Variants in RFX1 observed in about 807,000 individuals in gnomAD.
The protein encoded by RFX1 is regulatory factor X1.
Under a neutral mutation model 119.6 loss-of-function variants are expected in RFX1, and 42 were observed. That is an observed-to-expected ratio of 0.35 (90% CI 0.27 to 0.45). The LOEUF is 0.45. Among genes scored for constraint, RFX1 ranks in the 20% least tolerant of loss-of-function variants. RFX1 has a pLI of 1.00. For missense variants in RFX1, 1,118 were observed against 1,368.1 expected (o/e 0.82, Z 2.88); for synonymous variants, 628 against 618.5 (o/e 1.02, Z -0.23).
chr19:13,994,504 T>G (rs917274708), intron 1 of RFX1, among the ~76,000 whole-genome samples: 22 of 152,042 alleles, frequency 1.4e-4, no homozygotes, highest in African/African-American at 5.1e-4. Flanking sequence ...TCACTTGAGG[T>G]CAGGAGTTCG....
Position 13,982,155 on chromosome 19 carries a change from A to G in RFX1, c.587T>C (p.Val196Ala), listed in dbSNP as rs1974448734. ...CGAGTGCACCTGCTGGGTACCATGG[A>G]CCGTCAGGGAGACCTGGCCACCTTT... ...GSKGGQVSLT[V>A]HGTQQVHSPP... Residue 196 changes from valine (V) to alanine (A), a missense_variant, in exon 5 of 21, where the codon GTC becomes GCC. Physicochemically the swap from Val to Ala is moderately conservative, Grantham distance 64 (BLOSUM62 0). Transcript: ENST00000254325. 7.6e-7 allele frequency: 1 copy of G among 1,311,482 alleles called. No individual in the cohort carries two copies. The highest frequency in any genetic ancestry group is 9.8e-7 in the Non-Finnish European group (1 of 1,021,540). 81.2% of individuals were successfully genotyped at this position (1,311,482 alleles called of 1,614,324 possible).
In RFX1 at chr19:13,987,226, G is replaced by A. The variant is rs55754705; in HGVS notation, c.320-3631C>T. Among the ~76,000 whole-genome samples, 1,499 of 152,156 alleles carry A rather than the reference G, an allele frequency of 9.9e-3. 22 individuals carry two copies. The highest frequency in any genetic ancestry group is 0.029 in the African/African-American group (1,183 of 41,504). ...CCAGAGCCCACAGCACTCTCCTTCC[G>A]CCTTGGGTTCTGGGAGAGTCTGATG... is the stretch of plus-strand genomic sequence containing the variant. On this transcript the variant is annotated intron_variant, in intron 2 of 20. Coordinates refer to ENST00000254325, the MANE Select transcript of RFX1 (RefSeq NM_002918.5).
intron 7 of RFX1, among the ~76,000 whole-genome samples, chr19:13,978,378 C>T (rs1289328384): frequency 1.3e-5 from 2 of 152,090 alleles, no homozygotes; most frequent in African/African-American, 4.8e-5. Flanking sequence ...AAGGTTGGAC[C>T]CCAGGCACAG....
chr19:13,966,541 G>A lies in RFX1; in HGVS notation c.1852-11C>T, dbSNP rs1234379588. 2 of 1,555,054 alleles carry A rather than the reference G, an allele frequency of 1.3e-6. No individual in the cohort carries two copies. The highest frequency in any genetic ancestry group is 1.7e-6 in the Non-Finnish European group (2 of 1,143,318). ...GACGTCGACAATGGCCTGTGGCAGA[G>A]GCGGATGCTCAGGGAGGCTGGGGGG... On this transcript the variant is annotated splice_polypyrimidine_tract_variant and intron_variant, in intron 13 of 20. Coordinates refer to ENST00000254325, the MANE Select transcript of RFX1 (RefSeq NM_002918.5). This position sits in a 1 kb window ranked among gnomAD's most constrained non-coding sequence, Gnocchi z 6.3.
In RFX1 at chr19:13,982,187, T is replaced by C. The variant is rs61735283; in HGVS notation, c.555A>G (p.Pro185=). 2,429 of 1,312,242 alleles carry C rather than the reference T, an allele frequency of 1.9e-3. 38 individuals are homozygous for C. In the African/African-American group the frequency reaches 0.033, roughly 18 times the overall value. The allele number at this position is 1,312,242 out of a possible 1,614,324, so 81.3% of individuals were successfully genotyped here. A position where few individuals can be genotyped will look rare whatever the true frequency, so the allele number is the denominator to read the frequency against. ...GGGAGACCTGGCCACCTTTGCTGCC[T>C]GGGGCTGCGCTCTGCACCACCAGAC... ...TQRLVVQSAA[P]GSKGGQVSLT... is the part of the protein sequence containing the mutation. The change falls in exon 5 of 21, where the codon CCA becomes CCG. Residue 185 remains proline (P), a synonymous_variant. Coordinates refer to ENST00000254325, the MANE Select transcript of RFX1 (RefSeq NM_002918.5).
intron 1 of RFX1, among the ~76,000 whole-genome samples, chr19:13,994,717 A>ATGTGTG (rs1363917481): frequency 3.5e-4 from 38 of 108,386 alleles, no homozygotes; most frequent in African/African-American, 1.2e-3. Context: ...GTCTAAATAT[A>ATGTGTG]TATGTGTGTG....
rs757988510 is a variant in RFX1, at chr19:13,993,672, G to T, written c.172C>A (p.Leu58Met). The T allele has an allele frequency of 1.3e-6, 2 of 1,593,890 alleles. No homozygotes were observed. The highest frequency in any genetic ancestry group is 1.7e-6 in the Non-Finnish European group (2 of 1,169,562). The part of the protein sequence containing the change: ...ATPQPQYVTE[L>M]QSPQPQAQPP... ...TGTGCCTGGGGCTGGGGGCTCTGCA[G>T]CTCGGTGACATATTGGGGCTGAGGG... is the stretch of plus-strand genomic sequence containing the variant. Residue 58 changes from leucine to methionine, a missense_variant, in exon 2 of 21, where the codon CTG becomes ATG. By Grantham distance (15) the Leu-to-Met change is conservative. Transcript: ENST00000254325.
At position 13,980,497 on chromosome 19, in the gene RFX1, G is replaced by T; in HGVS notation, c.738+76C>A. 1.1e-6 allele frequency: 1 copy of T among 923,088 alleles called. No individual in the cohort carries two copies. The highest frequency in any genetic ancestry group is 1.5e-5 in the South Asian group (1 of 64,548). 57.2% of individuals were successfully genotyped at this position (923,088 alleles called of 1,614,324 possible). A position where few individuals can be genotyped will look rare whatever the true frequency, so the allele number is the denominator to read the frequency against. The stretch of plus-strand genomic sequence containing the variant: ...TGGGCTGGGCTCTAATAGGCCAGAG[G>T]CACAGCCGTGGGGGGCTGCAGAGGC... On this transcript the variant is annotated intron_variant, in intron 6 of 20. Coordinates refer to ENST00000254325, the MANE Select transcript of RFX1 (RefSeq NM_002918.5). This position sits in a 1 kb window ranked among gnomAD's most constrained non-coding sequence, Gnocchi z 5.1.
chr19:13,991,819 G>A (rs766477944), intron 2 of RFX1, among the ~76,000 whole-genome samples: 4 of 151,928 alleles, frequency 2.6e-5, no homozygotes, highest in Non-Finnish European at 5.9e-5. Context: ...GCGCCACCAC[G>A]CCCAGCTAAT....
intron 8 of RFX1, among the ~76,000 whole-genome samples, chr19:13,973,455 T>C (rs1195606764): frequency 6.6e-6 from 1 of 151,808 alleles, no homozygotes; most frequent in Non-Finnish European, 1.5e-5. Flanking sequence ...CTACAAAAAA[T>C]ATGAAGATTA....
At chr19:14,000,020 A>AT (rs1975163805) in intron 1 of RFX1, among the ~76,000 whole-genome samples, 1 of 152,176 alleles carries the variant, frequency 6.6e-6, no homozygotes, top group Admixed American at 6.6e-5. Flanking sequence ...AATGGTTTAC[A>AT]TCCTCAGCAA....
intron 12 of RFX1, among the ~76,000 whole-genome samples, chr19:13,967,409 C>G (rs1272899552): frequency 6.6e-6 from 1 of 151,848 alleles, no homozygotes; most frequent in African/African-American, 2.4e-5. Flanking sequence ...CTCCTGGACT[C>G]AAGCAATTCC....
intron 3 of RFX1, 61 bp downstream of exon 3, chr19:13,983,425 C>G: frequency 7.3e-7 from 1 of 1,363,944 alleles, no homozygotes; most frequent in Non-Finnish European, 1.0e-6. Flanking sequence ...CCCCCGAGGA[C>G]GCAGCCTGCA....
At chr19:13,984,445 G>A (rs1479230927) in intron 2 of RFX1, among the ~76,000 whole-genome samples, 1 of 152,188 alleles carries the variant, frequency 6.6e-6, no homozygotes, top group East Asian at 1.9e-4. Context: ...AGCGCTGCGG[G>A]GTGAGGAGGG....
intron 1 of RFX1, among the ~76,000 whole-genome samples, chr19:13,994,885 TATAC>T (rs1233481823): frequency 2.0e-4 from 19 of 94,920 alleles, no homozygotes; most frequent in African/African-American, 2.0e-4. Flanking sequence ...TATATTGAAA[TATAC>T]ATACATATAT....
rs1421928872 is a variant in RFX1, at chr19:13,961,974, C to G, written c.*721G>C. 1 of 152,132 alleles carries G rather than the reference C, an allele frequency of 6.6e-6. No homozygotes were observed. Among genetic ancestry groups the G allele is most frequent in the Non-Finnish European group, 1.5e-5 (1 of 68,074 alleles). The allele number at this position is 152,132 out of a possible 1,614,324, so 9.4% of individuals were successfully genotyped here. On this transcript the variant is annotated 3_prime_UTR_variant, in exon 21 of 21. Coordinates refer to ENST00000254325, the MANE Select transcript of RFX1 (RefSeq NM_002918.5). ...AAAAGGTTCCATTACAAACCAGCGG[C>G]GGAGGGCGGGGGCGCGGGGGCTGGG...
At position 13,963,761 on chromosome 19, in the gene RFX1, G is replaced by A. The variant is rs1371227090; in HGVS notation, c.2362-15C>T. On this transcript the variant is annotated splice_polypyrimidine_tract_variant and intron_variant, in intron 17 of 20. Transcript: ENST00000254325. ...GAGGCCTGCTCCTGGGGCACAGAGG[G>A]TGGGCGGGCGCCCGGGGCTCAGCCG... The A allele has an allele frequency of 1.9e-6, 3 of 1,543,632 alleles. No individual in the cohort carries two copies. The highest frequency in any genetic ancestry group is 1.7e-6 in the Non-Finnish European group (2 of 1,147,778).
At chr19:13,993,496 T>G in intron 2 of RFX1, 29 bp downstream of exon 2, 1 of 1,587,928 alleles carries the variant, frequency 6.3e-7, no homozygotes, top group Non-Finnish European at 8.6e-7. Flanking sequence ...CTGAGAGGAG[T>G]TTTCAGGACA....
chr19:13,965,401 A>G lies in RFX1; in HGVS notation c.2211+48T>C. ...CGCCCCTGGGGAGCAGAGGAGACGG[A>G]GGCCTAAGCCCCAGAGATAGGAGAA... is the stretch of plus-strand genomic sequence containing the variant. On this transcript the variant is annotated intron_variant, in intron 16 of 20. Transcript: ENST00000254325. This position sits in a 1 kb window ranked among gnomAD's most constrained non-coding sequence, Gnocchi z 4.7. The G allele has an allele frequency of 6.5e-7, 1 of 1,527,374 alleles. No individual in the cohort carries two copies. Among genetic ancestry groups the G allele is most frequent in the Non-Finnish European group, 9.0e-7 (1 of 1,105,034 alleles). The allele number at this position is 1,527,374 out of a possible 1,614,324, so 94.6% of individuals were successfully genotyped here.
Sources: gnomAD v4.1 joint callset for allele counts (sites outside exome capture counted in the v4.1 genomes callset) on GRCh38, gnomAD v4.1.1 for gene constraint, Gnocchi (gnomAD v3.1) non-coding constraint, MANE v1.5 for transcripts, NCBI Gene and HGNC (gene_info 2026-07-23, HGNC 2026-07-21) for gene names.